EDIL3: variants seen among roughly 807,000 people sequenced by gnomAD.
EDIL3 encodes EGF-like repeat and discoidin I-like domain-containing protein 3.
Under a neutral mutation model 67.4 loss-of-function variants are expected in EDIL3, and 37 were observed. That is an observed-to-expected ratio of 0.55 (90% CI 0.42 to 0.72). The LOEUF is 0.72. Ranked by LOEUF, EDIL3 falls within the 30% of genes least tolerant of loss-of-function variation. The probability of loss-of-function intolerance (pLI) is 0.00; values close to 1 mark genes in which losing one functional copy is unlikely to be tolerated. For synonymous variants in EDIL3, 195 were observed against 196.3 expected (o/e 0.99, Z 0.05); for missense variants, 527 against 586.3 (o/e 0.90, Z 1.04).
At chr5:84,108,075 C>T (rs1747494601) in intron 5 of EDIL3, among the ~76,000 whole-genome samples, 1 of 151,322 alleles carries the variant, frequency 6.6e-6, no homozygotes, top group South Asian at 2.1e-4. Flanking sequence ...TGACCAAGTA[C>T]ATTTTAGATT....
At position 84,229,817 on chromosome 5, in the gene EDIL3, A is replaced by AT. The variant is rs1744530749; in HGVS notation, c.226+37dup. The AT allele has an allele frequency of 2.5e-6, 4 of 1,581,648 alleles. No homozygotes were observed. The East Asian group carries it at 9.0e-5, about 36-fold the overall frequency. ...GACTCTCTATTATTAAAGGCATGAC[A>AT]TTAAATAAGAATTATGTTTACAACA... On this transcript the variant is annotated intron_variant, in intron 3 of 10. Coordinates refer to ENST00000296591, the MANE Select transcript of EDIL3 (RefSeq NM_005711.5).
At chr5:84,180,659 G>A (rs1048634864) in intron 3 of EDIL3, 138 bp from the exon 4 acceptor site, 25 of 991,196 alleles carry the variant, frequency 2.5e-5, no homozygotes, top group Middle Eastern at 3.1e-4. Flanking sequence ...GGTTGTATGA[G>A]CTCTGGAGAC....
chr5:84,200,594 C>T (rs1426170411), intron 3 of EDIL3, among the ~76,000 whole-genome samples: 1 of 151,938 alleles, frequency 6.6e-6, no homozygotes, highest in Non-Finnish European at 1.5e-5. Flanking sequence ...TTATATAACA[C>T]ATCCAAATTA....
intron 6 of EDIL3, among the ~76,000 whole-genome samples, chr5:84,085,888 TG>T (rs1213700356): frequency 6.6e-6 from 1 of 152,196 alleles, no homozygotes; most frequent in African/African-American, 2.4e-5. Flanking sequence ...AGAGATGCCC[TG>T]CCCAGTGAGG....
chr5:83,997,113 G>A (rs947017098), intron 9 of EDIL3, among the ~76,000 whole-genome samples: 5 of 152,174 alleles, frequency 3.3e-5, no homozygotes, highest in African/African-American at 1.2e-4. Flanking sequence ...GGTTTAATGG[G>A]AAAGGTGGCT....
At chr5:84,211,931 C>T (rs1267647342) in intron 3 of EDIL3, among the ~76,000 whole-genome samples, 1 of 152,000 alleles carries the variant, frequency 6.6e-6, no homozygotes, top group Admixed American at 6.6e-5. Context: ...TGCACAAATC[C>T]AAGAGGGTAT....
intron 3 of EDIL3, among the ~76,000 whole-genome samples, chr5:84,189,097 C>A (rs1212774251): frequency 6.6e-6 from 1 of 151,816 alleles, no homozygotes; most frequent in Non-Finnish European, 1.5e-5. Flanking sequence ...TGGCAAAGCA[C>A]TCATATTATC....
At chr5:84,375,761 C>T (rs535480485) in intron 1 of EDIL3, among the ~76,000 whole-genome samples, 33 of 152,236 alleles carry the variant, frequency 2.2e-4, no homozygotes, top group African/African-American at 7.7e-4. Flanking sequence ...GTATTTCAAA[C>T]CACTTCCCAA....
intron 1 of EDIL3, among the ~76,000 whole-genome samples, chr5:84,270,570 A>G (rs980636110): frequency 1.8e-4 from 27 of 152,242 alleles, no homozygotes; most frequent in African/African-American, 6.5e-4. Flanking sequence ...TAATATGTAT[A>G]CTGAGAGGGT....
intron 9 of EDIL3, among the ~76,000 whole-genome samples, chr5:84,017,019 G>A (rs969738190): frequency 3.9e-5 from 6 of 152,138 alleles, no homozygotes; most frequent in Non-Finnish European, 5.9e-5. Flanking sequence ...TTGCCATCAT[G>A]AGTCTCAGTT....
intron 1 of EDIL3, among the ~76,000 whole-genome samples, chr5:84,311,359 T>A (rs112120761): frequency 1.3e-5 from 2 of 150,280 alleles, no homozygotes; most frequent in African/African-American, 2.4e-5. Flanking sequence ...ATGATTTATT[T>A]TATATAATGT....
intron 1 of EDIL3, among the ~76,000 whole-genome samples, chr5:84,302,421 C>T (rs1255678875): frequency 4.6e-5 from 7 of 152,202 alleles, no homozygotes; most frequent in Admixed American, 3.3e-4. Flanking sequence ...CTCAGTCTCT[C>T]GAGTAGCTGG....
At chr5:84,296,441 A>G (rs1746051817) in intron 1 of EDIL3, among the ~76,000 whole-genome samples, 1 of 148,150 alleles carries the variant, frequency 6.7e-6, no homozygotes, top group African/African-American at 2.4e-5. Context: ...TTAAATACAT[A>G]TTTGGAAATT....
Position 84,118,355 on chromosome 5 carries a change from CAG to C in EDIL3, c.470-11527_470-11526del, listed in dbSNP as rs1747710978. On this transcript the variant is annotated intron_variant, in intron 5 of 10. Coordinates refer to ENST00000296591, the MANE Select transcript of EDIL3 (RefSeq NM_005711.5). ...AAGATAAAAAGAAAATAGAATCACT[CAG>C]TTTATATTTATAGATTAATTAGATT... 2.0e-5 allele frequency among the ~76,000 whole-genome samples: 3 copies of C among 152,038 alleles called. No homozygotes were observed. The South Asian group carries it at 6.2e-4, about 31-fold the overall frequency.
At chr5:83,955,033 A>G (rs933346485) in intron 10 of EDIL3, among the ~76,000 whole-genome samples, 3 of 151,822 alleles carry the variant, frequency 2.0e-5, no homozygotes, top group Non-Finnish European at 4.4e-5. Context: ...ATCAATGCAT[A>G]GAGTCACAGT....
chr5:84,282,703 C>T (rs544159705), intron 1 of EDIL3, among the ~76,000 whole-genome samples: 103 of 152,266 alleles, frequency 6.8e-4, no homozygotes, highest in African/African-American at 2.4e-3. Context: ...TACTTATATT[C>T]CCACCACCAG....
chr5:84,297,274 GA>G (rs1055023602), intron 1 of EDIL3, among the ~76,000 whole-genome samples: 1 of 151,402 alleles, frequency 6.6e-6, no homozygotes, highest in East Asian at 1.9e-4. Flanking sequence ...AACAAACATG[GA>G]AAAAAGCTTA....
intron 6 of EDIL3, among the ~76,000 whole-genome samples, chr5:84,088,584 G>A (rs1322697982): frequency 6.6e-6 from 1 of 152,138 alleles, no homozygotes; most frequent in Non-Finnish European, 1.5e-5. Context: ...GACCTGCATT[G>A]AACATAGTTT....
intron 3 of EDIL3, among the ~76,000 whole-genome samples, chr5:84,198,071 G>T (rs371680955): frequency 2.0e-5 from 3 of 152,138 alleles, no homozygotes; most frequent in African/African-American, 7.2e-5. Context: ...CATCTGAGTA[G>T]GCAATCAGAG....
Sources: gnomAD v4.1 joint callset for allele counts (sites outside exome capture counted in the v4.1 genomes callset) on GRCh38, gnomAD v4.1.1 for gene constraint, MANE v1.5 for transcripts, NCBI Gene and HGNC (gene_info 2026-07-23, HGNC 2026-07-21) for gene names.